The following ADAMTS2 variants were observed in gnomAD, a reference collection of about 807,000 sequenced individuals.
ADAMTS2 encodes ADAM metallopeptidase with thrombospondin type 1 motif 2.
In ADAMTS2, 50 loss-of-function variants were observed where a neutral mutation model predicts 123.0. The observed-to-expected ratio is 0.41, with a 90% confidence interval of 0.32 to 0.51. The LOEUF (loss-of-function observed/expected upper bound fraction) is 0.51, where lower values mean the gene tolerates loss of function less well. Among genes scored for constraint, ADAMTS2 ranks in the 20% least tolerant of loss-of-function variants. ADAMTS2 has a pLI of 0.35. For synonymous variants in ADAMTS2, 678 were observed against 695.4 expected, an observed-to-expected ratio of 0.98 and a Z score of 0.39; for missense variants, 1,494 against 1,705.2, an observed-to-expected ratio of 0.88 and a Z score of 2.18.
chr5:179,338,981 G>A (rs537897513), intron 2 of ADAMTS2, among the ~76,000 whole-genome samples: 1 of 152,270 alleles, frequency 6.6e-6, no homozygotes, highest in South Asian at 2.1e-4. Context: ...GTCATCCAGG[G>A]AAGGGGGTTC....
intron 12 of ADAMTS2, among the ~76,000 whole-genome samples, chr5:179,136,936 C>T (rs1763076067): frequency 6.6e-6 from 1 of 151,892 alleles, no homozygotes; most frequent in South Asian, 2.1e-4. Flanking sequence ...CGCCACTGCA[C>T]TCCAGCCTGG....
chr5:179,262,022 G>A lies in ADAMTS2; in HGVS notation c.688+10889C>T, dbSNP rs973049608. 3.9e-5 allele frequency among the ~76,000 whole-genome samples: 6 copies of A among 152,198 alleles called. No individual in the cohort carries two copies. The highest frequency in any genetic ancestry group is 1.9e-4 in the East Asian group (1 of 5,192). On this transcript the variant is annotated intron_variant, in intron 3 of 21. Coordinates refer to ENST00000251582, the MANE Select transcript of ADAMTS2 (RefSeq NM_014244.5). This position sits in a 1 kb window ranked among gnomAD's most constrained non-coding sequence, Gnocchi z 5.9. Reference sequence around the variant, plus strand: ...CATTGGGGGCTCCTGCCCCCGCCCCGTGAGTCTGGGAACACATGGGTCTTG... The same window carrying A: ...CATTGGGGGCTCCTGCCCCCGCCCCATGAGTCTGGGAACACATGGGTCTTG...
Position 179,170,920 on chromosome 5 carries a change from G to A in ADAMTS2, c.975+10152C>T, listed in dbSNP as rs1025370625. ...CGTTCATCAGACACCTCAGAGACCTGAAAACAGGGCCTCCCCCAGTGCTAT... is the reference window on the plus strand; with the variant it reads ...CGTTCATCAGACACCTCAGAGACCTAAAAACAGGGCCTCCCCCAGTGCTAT... On this transcript the variant is annotated intron_variant, in intron 5 of 21. Coordinates refer to ENST00000251582, the MANE Select transcript of ADAMTS2 (RefSeq NM_014244.5). The surrounding 1 kb of genome is among the most constrained non-coding windows in gnomAD (Gnocchi z 4.3). 1.3e-5 allele frequency among the ~76,000 whole-genome samples: 2 copies of A among 152,182 alleles called. No homozygotes were observed. The highest frequency in any genetic ancestry group is 2.4e-5 in the African/African-American group (1 of 41,444).
In ADAMTS2 at chr5:179,114,158, G is replaced by GTCGTTC. The variant is rs1561762098; in HGVS notation, c.3344_3345insGAACGA (p.Asn1114_Asp1115insGluAsn). The GTCGTTC allele has an allele frequency of 2.5e-6, 4 of 1,612,762 alleles. No homozygotes were observed. The highest frequency in any genetic ancestry group is 3.4e-6 in the Non-Finnish European group (4 of 1,178,818). On this transcript the variant is annotated inframe_insertion, in exon 22 of 22. Coordinates refer to ENST00000251582, the MANE Select transcript of ADAMTS2 (RefSeq NM_014244.5). ...GGAGGGTAGGCATGAACACGTCAAT[G>GTCGTTC]TCGTTGTGCTTCCCAGGCGGTGGCT... is the stretch of plus-strand genomic sequence containing the variant.
chr5:179,252,424 C>A (rs1171029360), intron 3 of ADAMTS2, among the ~76,000 whole-genome samples: 5 of 152,150 alleles, frequency 3.3e-5, no homozygotes, highest in South Asian at 4.2e-4. Context: ...AATTTTTAGA[C>A]CTTTTTCTTT....
chr5:179,210,342 T>C (rs1232917963), intron 3 of ADAMTS2, among the ~76,000 whole-genome samples: 2 of 152,250 alleles, frequency 1.3e-5, no homozygotes, highest in Non-Finnish European at 2.9e-5. Context: ...GGGGCACGTC[T>C]TGAGGCTGCT....
intron 3 of ADAMTS2, among the ~76,000 whole-genome samples, chr5:179,222,632 TA>T (rs2113408807): frequency 6.6e-6 from 1 of 152,342 alleles, no homozygotes; most frequent in African/African-American, 2.4e-5. Flanking sequence ...TCTTCTTGCT[TA>T]AAAGCTGGTG....
chr5:179,124,508 A>G (rs1474326580), intron 19 of ADAMTS2, among the ~76,000 whole-genome samples: 1 of 152,120 alleles, frequency 6.6e-6, no homozygotes, highest in Non-Finnish European at 1.5e-5. Flanking sequence ...AGCCCGGGCT[A>G]CCCTCAGTTT....
intron 3 of ADAMTS2, among the ~76,000 whole-genome samples, chr5:179,223,456 TCA>T (rs748515815): frequency 1.2e-3 from 144 of 124,510 alleles, no homozygotes; most frequent in Non-Finnish European, 2.2e-3. Context: ...ACACGCACAC[TCA>T]CACACGAATG....
At chr5:179,274,752 G>A (rs1306788192) in intron 2 of ADAMTS2, among the ~76,000 whole-genome samples, 2 of 152,244 alleles carry the variant, frequency 1.3e-5, no homozygotes, top group Admixed American at 6.5e-5. Context: ...GTGTAGCGAG[G>A]GAGGCTGGAG....
rs761066238 is a variant in ADAMTS2 at position 179,129,244 on chromosome 5, A to G, written c.2457+688T>C. 1.3e-5 allele frequency among the ~76,000 whole-genome samples: 2 copies of G among 152,162 alleles called. No individual in the cohort carries two copies. The highest frequency in any genetic ancestry group is 2.9e-5 in the Non-Finnish European group (2 of 68,040). ...CAGGGTGCCAGGGGGTACACGGGGC[A>G]TACCTGGCTCACTGCTGCACCTGCT... On this transcript the variant is annotated intron_variant, in intron 16 of 21. Transcript: ENST00000251582. The surrounding 1 kb of genome is among the most constrained non-coding windows in gnomAD (Gnocchi z 4.1).
At chr5:179,211,156 C>A (rs144966551) in intron 3 of ADAMTS2, among the ~76,000 whole-genome samples, 340 of 152,366 alleles carry the variant, frequency 2.2e-3, no homozygotes, top group Non-Finnish European at 3.3e-3. Flanking sequence ...TTGCTGCTCT[C>A]CCCTCCTCCC....
rs559600513 is a variant in ADAMTS2, at chr5:179,306,978, T to C, written c.535-33914A>G. 8.5e-5 allele frequency among the ~76,000 whole-genome samples: 13 copies of C among 152,250 alleles called. No individual in the cohort carries two copies. In the East Asian group the frequency reaches 1.9e-3, roughly 23 times the overall value. Reference sequence around the variant, plus strand: ...GGGCAGTCTTCTGCTGGGTGGGGAATTGGCCACCAGGGCCAGTCCCACATC... The same window carrying C: ...GGGCAGTCTTCTGCTGGGTGGGGAACTGGCCACCAGGGCCAGTCCCACATC... On this transcript the variant is annotated intron_variant, in intron 2 of 21. Coordinates refer to ENST00000251582, the MANE Select transcript of ADAMTS2 (RefSeq NM_014244.5).
chr5:179,282,851 G>A (rs376730767), intron 2 of ADAMTS2, among the ~76,000 whole-genome samples: 12 of 152,182 alleles, frequency 7.9e-5, no homozygotes, highest in South Asian at 2.1e-4. Context: ...TGAGGCAGGC[G>A]GATCACGAGG....
chr5:179,303,957 T>C lies in ADAMTS2; in HGVS notation c.535-30893A>G, dbSNP rs1325226467. ...TGGGGAACTGGCATCAGAAAGTTGG[T>C]TAGAAACTCCTGGGCTCGTGCTTGA... On this transcript the variant is annotated intron_variant, in intron 2 of 21. Transcript: ENST00000251582. This position sits in a 1 kb window ranked among gnomAD's most constrained non-coding sequence, Gnocchi z 4.7. Among the ~76,000 whole-genome samples the C allele has an allele frequency of 6.6e-6, 1 of 152,120 alleles. No individual in the cohort carries two copies. The highest frequency in any genetic ancestry group is 1.5e-5 in the Non-Finnish European group (1 of 68,020).
chr5:179,309,998 G>A (rs1756784716), intron 2 of ADAMTS2, among the ~76,000 whole-genome samples: 1 of 152,194 alleles, frequency 6.6e-6, no homozygotes, highest in African/African-American at 2.4e-5. Flanking sequence ...AAGTCAGGGA[G>A]GCCTTGGGAG....
intron 2 of ADAMTS2, among the ~76,000 whole-genome samples, chr5:179,300,513 T>G (rs995830185): frequency 6.6e-6 from 1 of 152,240 alleles, no homozygotes; most frequent in African/African-American, 2.4e-5. Context: ...TAGCATCCTC[T>G]TATAGCACCC....
intron 2 of ADAMTS2, among the ~76,000 whole-genome samples, chr5:179,306,860 T>A (rs965869572): frequency 2.6e-5 from 4 of 152,152 alleles, no homozygotes; most frequent in African/African-American, 9.7e-5. Flanking sequence ...AGATCGAGTC[T>A]CATAGCACCA....
At chr5:179,148,473 G>A (rs1414720285) in intron 10 of ADAMTS2, among the ~76,000 whole-genome samples, 1 of 152,206 alleles carries the variant, frequency 6.6e-6, no homozygotes, top group African/African-American at 2.4e-5. Flanking sequence ...AAAGGCTCCA[G>A]AGCTGCACGT....
Sources: gnomAD v4.1 joint callset for allele counts (sites outside exome capture counted in the v4.1 genomes callset) on GRCh38, gnomAD v4.1.1 for gene constraint, Gnocchi (gnomAD v3.1) non-coding constraint, MANE v1.5 for transcripts, NCBI Gene and HGNC (gene_info 2026-07-23, HGNC 2026-07-21) for gene names.